The following CDYL variants were observed in gnomAD, a reference collection of about 807,000 sequenced individuals.
CDYL encodes chromodomain Y-like protein.
In CDYL, 8 loss-of-function variants were observed where a neutral mutation model predicts 47.3. That is an observed-to-expected ratio of 0.17 (90% confidence interval 0.10 to 0.31). The LOEUF (loss-of-function observed/expected upper bound fraction) is 0.31. Ranked by LOEUF, CDYL falls within the 10% of genes least tolerant of loss-of-function variation. The pLI is 1.00. For synonymous variants in CDYL, 266 were observed against 265.0 expected, an observed-to-expected ratio of 1.00 and a Z score of -0.04; for missense variants, 471 against 701.4, an observed-to-expected ratio of 0.67 and a Z score of 3.71.
chr6:4,799,084 T>C (rs1227855781), intron 1 of CDYL, among the ~76,000 whole-genome samples: 3 of 152,238 alleles, frequency 2.0e-5, no homozygotes, highest in Admixed American at 6.5e-5. Flanking sequence ...TACTTGCAGC[T>C]CTGCTTCAGT....
intron 2 of CDYL, among the ~76,000 whole-genome samples, chr6:4,908,461 TA>T (rs1321334511): frequency 6.6e-6 from 1 of 152,216 alleles, no homozygotes; most frequent in Non-Finnish European, 1.5e-5. Context: ...AGGAAGTATC[TA>T]ATTTCACTGT....
At chr6:4,816,252 GTT>G (rs113113323) in intron 1 of CDYL, among the ~76,000 whole-genome samples, 1 of 142,246 alleles carries the variant, frequency 7.0e-6, no homozygotes. Context: ...TCGCGTCCCT[GTT>G]TTTTTTTTTT....
chr6:4,769,582 T>C (rs529303957), intron 3 of CDYL, among the ~76,000 whole-genome samples: 6 of 152,342 alleles, frequency 3.9e-5, no homozygotes, highest in African/African-American at 1.4e-4. Context: ...ATCTCTCGCA[T>C]GATGGCTACT....
intron 3 of CDYL, among the ~76,000 whole-genome samples, chr6:4,760,073 C>G (rs903806395): frequency 6.6e-6 from 1 of 151,790 alleles, no homozygotes; most frequent in African/African-American, 2.4e-5. Flanking sequence ...TAAGGCTAGT[C>G]CATCAACCTG....
intron 1 of CDYL, among the ~76,000 whole-genome samples, chr6:4,785,705 T>G (rs1261069323): frequency 6.6e-6 from 1 of 152,348 alleles, no homozygotes; most frequent in African/African-American, 2.4e-5. Flanking sequence ...CCATGCACAC[T>G]GGACAACAGC....
intron 1 of CDYL, among the ~76,000 whole-genome samples, chr6:4,853,711 A>G (rs529828925): frequency 6.6e-6 from 1 of 152,278 alleles, no homozygotes; most frequent in African/African-American, 2.4e-5. Flanking sequence ...ACAAAACAAA[A>G]CACCAGGCAG....
Position 4,891,826 on chromosome 6 carries a change from G to C in CDYL, c.138G>C (p.Val46=). 6.2e-7 allele frequency: 1 copy of C among 1,614,166 alleles called. No individual in the cohort carries two copies. The highest frequency in any genetic ancestry group is 1.1e-5 in the South Asian group (1 of 91,082). Residue 46 remains valine (V), a synonymous_variant, in exon 2 of 7, where the codon GTG becomes GTC. Coordinates refer to ENST00000397588, the MANE Select transcript of CDYL (RefSeq NM_004824.4). ...CTTGGGAGCCGGAACAGCACCTCGTGAACTGTGAGGAATACATCCACGACT... is the reference window on the plus strand; with the variant it reads ...CTTGGGAGCCGGAACAGCACCTCGTCAACTGTGAGGAATACATCCACGACT... ...DDTWEPEQHL[V]NCEEYIHDFN...
intron 1 of CDYL, among the ~76,000 whole-genome samples, chr6:4,857,724 A>T (rs1305618079): frequency 1.3e-5 from 2 of 152,208 alleles, no homozygotes; most frequent in African/African-American, 2.4e-5. Flanking sequence ...CTGTCATTGG[A>T]CATAAGAATA....
chr6:4,706,563 C>A (rs757530509), intron 1 of CDYL, among the ~76,000 whole-genome samples: 1 of 151,848 alleles, frequency 6.6e-6, no homozygotes, highest in East Asian at 1.9e-4. Context: ...GAGGCCAAGG[C>A]GGGCTGAGGT....
intron 1 of CDYL, among the ~76,000 whole-genome samples, chr6:4,709,643 A>T (rs1757113892): frequency 6.6e-6 from 1 of 152,152 alleles, no homozygotes; most frequent in Non-Finnish European, 1.5e-5. Context: ...CTCTCTCCTC[A>T]AGAGGGAACC....
At chr6:4,843,012 T>C (rs1760548476) in intron 1 of CDYL, among the ~76,000 whole-genome samples, 1 of 152,206 alleles carries the variant, frequency 6.6e-6, no homozygotes. Flanking sequence ...ATTGGCAGAT[T>C]CTCTCAGTAT....
chr6:4,709,357 C>T (rs1431925927), intron 1 of CDYL, among the ~76,000 whole-genome samples: 1 of 152,122 alleles, frequency 6.6e-6, no homozygotes, highest in Non-Finnish European at 1.5e-5. Flanking sequence ...CACCCCATGC[C>T]CGGCTAATTT....
chr6:4,753,502 A>G (rs1758030055), intron 3 of CDYL, among the ~76,000 whole-genome samples: 1 of 152,190 alleles, frequency 6.6e-6, no homozygotes, highest in South Asian at 2.1e-4. Context: ...CCTGAAGGTT[A>G]TGCAAATTCT....
intron 2 of CDYL, among the ~76,000 whole-genome samples, chr6:4,908,312 C>T (rs546415777): frequency 9.9e-5 from 15 of 152,204 alleles, no homozygotes; most frequent in Non-Finnish European, 1.3e-4. Context: ...CCATCCAGGC[C>T]GTGTAGATGA....
At chr6:4,804,629 T>G (rs1759319372) in intron 1 of CDYL, among the ~76,000 whole-genome samples, 1 of 152,174 alleles carries the variant, frequency 6.6e-6, no homozygotes, top group Non-Finnish European at 1.5e-5. Flanking sequence ...AGAATGGCCC[T>G]CGCTCTGCGG....
chr6:4,836,201 G>C, intron 1 of CDYL: 3 of 791,568 alleles, frequency 3.8e-6, no homozygotes, highest in South Asian at 1.2e-4. Context: ...GACCGGAGCT[G>C]TTCCTATTCG....
intron 2 of CDYL, among the ~76,000 whole-genome samples, chr6:4,722,804 G>C (rs889312048): frequency 1.3e-5 from 2 of 152,188 alleles, no homozygotes; most frequent in African/African-American, 4.8e-5. Context: ...TTGAACCCAG[G>C]GGGCAGAGGT....
chr6:4,902,989 G>T (rs1377634263), intron 2 of CDYL, among the ~76,000 whole-genome samples: 1 of 152,228 alleles, frequency 6.6e-6, no homozygotes, highest in African/African-American at 2.4e-5. Context: ...ACATTGCCTA[G>T]TCCAATTGTT....
chr6:4,912,471 G>C (rs2127501053), intron 2 of CDYL, among the ~76,000 whole-genome samples: 1 of 152,378 alleles, frequency 6.6e-6, no homozygotes, highest in East Asian at 1.9e-4. Flanking sequence ...TACAGTTGCT[G>C]ACTGGCAGGG....
Sources: gnomAD v4.1 joint callset for allele counts (sites outside exome capture counted in the v4.1 genomes callset) on GRCh38, gnomAD v4.1.1 for gene constraint, MANE v1.5 for transcripts, NCBI Gene and HGNC (gene_info 2026-07-23, HGNC 2026-07-21) for gene names.